Variants in MIGA2 observed in about 807,000 individuals in gnomAD.
MIGA2 encodes the protein mitoguardin 2, also known as family with sequence similarity 73, member B.
In MIGA2, 36 loss-of-function variants were observed where a neutral mutation model predicts 69.9. The ratio of observed to expected loss-of-function variants is 0.52; its 90% CI spans 0.39 to 0.68. The LOEUF is 0.68. Among genes scored for constraint, MIGA2 ranks in the 30% least tolerant of loss-of-function variants. The pLI, the probability that MIGA2 is intolerant of heterozygous loss-of-function variation, is 0.00. For missense variants in MIGA2, 660 were observed against 787.7 expected (o/e 0.84, Z 1.94); for synonymous variants, 333 against 349.2 (o/e 0.95, Z 0.52).
rs374126785 is a variant in MIGA2 at position 129,042,273 on chromosome 9, T to G, written c.97-31T>G. On this transcript the variant is annotated intron_variant, in intron 2 of 15. Coordinates refer to ENST00000684074, the MANE Select transcript of MIGA2 (RefSeq NM_001329990.2). ...CTGCCTTGGACCTTCCCCAGGGAGG[T>G]GTAACCGGCAGCGTCTCCTCTTCCC... is the stretch of plus-strand genomic sequence containing the variant. 1.4e-4 allele frequency: 222 copies of G among 1,606,238 alleles called. No individual in the cohort carries two copies. In the African/African-American group the frequency reaches 2.7e-3, roughly 20 times the overall value.
At position 129,069,223 on chromosome 9, in the gene MIGA2, T is replaced by G; in HGVS notation, c.1458+94T>G. The G allele has an allele frequency of 6.8e-6, 10 of 1,478,996 alleles. No individual in the cohort carries two copies. The highest frequency in any genetic ancestry group is 9.4e-6 in the Non-Finnish European group (10 of 1,064,874). 91.6% of individuals were successfully genotyped at this position (1,478,996 alleles called of 1,614,324 possible). ...GTGCAGGGTGGCTCGCTGGGCCACTTGGCCTTCACCGCTCACAGTCCTGGC... is the reference window on the plus strand; with the variant it reads ...GTGCAGGGTGGCTCGCTGGGCCACTGGGCCTTCACCGCTCACAGTCCTGGC... On this transcript the variant is annotated intron_variant, in intron 14 of 15. Transcript: ENST00000684074. The surrounding 1 kb of genome is among the most constrained non-coding windows in gnomAD (Gnocchi z 4.9).
intron 4 of MIGA2, among the ~76,000 whole-genome samples, chr9:129,048,836 G>A (rs1224646061): frequency 6.6e-6 from 1 of 152,176 alleles, no homozygotes; most frequent in Non-Finnish European, 1.5e-5. Flanking sequence ...TTATACCAGG[G>A]ACTCTGTCAG....
rs1846578901 is a variant in MIGA2 at position 129,069,902 on chromosome 9, T to TG, written c.1513dup (p.Val505GlyfsTer15). 1 of 1,613,688 alleles carries TG rather than the reference T, an allele frequency of 6.2e-7. No individual in the cohort carries two copies. The highest frequency in any genetic ancestry group is 8.5e-7 in the Non-Finnish European group (1 of 1,179,916). ...ACTCCGTATCGGAGCATGTGAGCCC[T>TG]GTCCTAGCCTTCGGCTTCCTTGGAC... On this transcript the variant is annotated frameshift_variant, in exon 15 of 16. Coordinates refer to ENST00000684074, the MANE Select transcript of MIGA2 (RefSeq NM_001329990.2). LOFTEE classifies it high-confidence loss of function. This position sits in a 1 kb window ranked among gnomAD's most constrained non-coding sequence, Gnocchi z 4.9.
chr9:129,048,774 T>C (rs923680591), intron 4 of MIGA2, among the ~76,000 whole-genome samples: 3 of 152,204 alleles, frequency 2.0e-5, no homozygotes, highest in Non-Finnish European at 2.9e-5. Context: ...GGGAGACCTG[T>C]ACCTGTGAAA....
chr9:129,069,178 C>T lies in MIGA2; in HGVS notation c.1458+49C>T, dbSNP rs368134704. 213 of 1,610,822 alleles carry T rather than the reference C, an allele frequency of 1.3e-4. No individual in the cohort carries two copies. The highest frequency in any genetic ancestry group is 1.7e-4 in the Non-Finnish European group (198 of 1,178,214). The stretch of plus-strand genomic sequence containing the variant: ...GAGCACGAGCTGGGCTCTGAGGCAG[C>T]GTGGTGGGGAGCGGAGCGGGTGCAG... On this transcript the variant is annotated intron_variant, in intron 14 of 15. Coordinates refer to ENST00000684074, the MANE Select transcript of MIGA2 (RefSeq NM_001329990.2). This position sits in a 1 kb window ranked among gnomAD's most constrained non-coding sequence, Gnocchi z 4.9.
intron 3 of MIGA2, among the ~76,000 whole-genome samples, chr9:129,046,213 C>G (rs551127541): frequency 6.6e-6 from 1 of 152,218 alleles, no homozygotes; most frequent in East Asian, 1.9e-4. Flanking sequence ...GACACTCAGG[C>G]AGCCTAATTT....
intron 6 of MIGA2, among the ~76,000 whole-genome samples, chr9:129,055,903 A>T (rs1325930777): frequency 6.6e-6 from 1 of 151,894 alleles, no homozygotes; most frequent in Non-Finnish European, 1.5e-5. Context: ...TAGTCCCAAC[A>T]CTTAGGAGAC....
At position 129,059,416 on chromosome 9, in the gene MIGA2, C is replaced by T; in HGVS notation, c.793+145C>T. The T allele has an allele frequency of 1.6e-6, 1 of 633,476 alleles. No homozygotes were observed. Among genetic ancestry groups the T allele is most frequent in the Non-Finnish European group, 2.8e-6 (1 of 357,508 alleles). 39.2% of individuals were successfully genotyped at this position (633,476 alleles called of 1,614,324 possible). On this transcript the variant is annotated intron_variant, in intron 7 of 15. Coordinates refer to ENST00000684074, the MANE Select transcript of MIGA2 (RefSeq NM_001329990.2). The surrounding 1 kb of genome is among the most constrained non-coding windows in gnomAD (Gnocchi z 5.6). Reference sequence around the variant, plus strand: ...GGCTCTCCGACCTCGCGTGATCCAGCACCTTATGGCACAGATGGGGAAACT... The same window carrying T: ...GGCTCTCCGACCTCGCGTGATCCAGTACCTTATGGCACAGATGGGGAAACT...
intron 15 of MIGA2, 76 bp downstream of exon 15, chr9:129,070,041 G>A: frequency 3.0e-6 from 4 of 1,345,848 alleles, no homozygotes; most frequent in Admixed American, 4.2e-5. Flanking sequence ...CCAGGAATGG[G>A]ATGAGGGCCT....
rs1360457371 is a variant in MIGA2 at position 129,070,638 on chromosome 9, C to T, written c.*185C>T. Reference sequence around the variant, plus strand: ...GAACGGTTCCTGGGGGAAGCAGAGGCCAGGACCAGTGGGGCCTGTGGGAGA... The same window carrying T: ...GAACGGTTCCTGGGGGAAGCAGAGGTCAGGACCAGTGGGGCCTGTGGGAGA... On this transcript the variant is annotated 3_prime_UTR_variant, in exon 16 of 16. Coordinates refer to ENST00000684074, the MANE Select transcript of MIGA2 (RefSeq NM_001329990.2). 5 of 643,216 alleles carry T rather than the reference C, an allele frequency of 7.8e-6. No individual in the cohort carries two copies. The highest frequency in any genetic ancestry group is 1.3e-5 in the Non-Finnish European group (5 of 385,672). 39.8% of individuals were successfully genotyped at this position (643,216 alleles called of 1,614,324 possible).
At chr9:129,039,458 G>C (rs1022537812) in intron 1 of MIGA2, among the ~76,000 whole-genome samples, 2 of 151,870 alleles carry the variant, frequency 1.3e-5, no homozygotes, top group Admixed American at 6.6e-5. Flanking sequence ...TGTTAGCCAG[G>C]ATGATCTTGA....
intron 1 of MIGA2, among the ~76,000 whole-genome samples, chr9:129,039,175 TTGTGTG>T (rs61426484): frequency 0.039 from 5,521 of 139,944 alleles, 186 homozygotes; most frequent in Admixed American, 0.11. Context: ...AGCTCTTTGT[TTGTGTG>T]TGTGTGTGTG....
In MIGA2 at chr9:129,048,259, C is replaced by T. The variant is rs1480792136; in HGVS notation, c.308-168C>T. Reference sequence around the variant, plus strand: ...CATGAGCAGGACATGGAGGGCCCCGCGCTTTTCTCCTGAGTGCACGCCCTT... The same window carrying T: ...CATGAGCAGGACATGGAGGGCCCCGTGCTTTTCTCCTGAGTGCACGCCCTT... On this transcript the variant is annotated intron_variant, in intron 3 of 15. Transcript: ENST00000684074. Among the ~76,000 whole-genome samples, 9 of 152,210 alleles carry T rather than the reference C, an allele frequency of 5.9e-5. No individual in the cohort carries two copies. In the East Asian group the frequency reaches 7.7e-4, roughly 13 times the overall value.
chr9:129,041,012 G>A (rs1305743027), intron 2 of MIGA2, among the ~76,000 whole-genome samples: 1 of 152,104 alleles, frequency 6.6e-6, no homozygotes. Context: ...CCAACATGGT[G>A]AAACCCTGTC....
At position 129,063,617 on chromosome 9, in the gene MIGA2, A is replaced by AC; in HGVS notation, c.1158dup (p.Lys387GlnfsTer3). 9 of 980,548 alleles carry AC rather than the reference A, an allele frequency of 9.2e-6. No individual in the cohort carries two copies. The highest frequency in any genetic ancestry group is 1.3e-5 in the Non-Finnish European group (9 of 672,184). 60.7% of individuals were successfully genotyped at this position (980,548 alleles called of 1,614,324 possible). Reference sequence around the variant, plus strand: ...CCGACAGATGGTGACAGGCCTGATGACCAAGGCTGAGAAGGTAGCAGGGGG... The same window carrying AC: ...CCGACAGATGGTGACAGGCCTGATGACCCAAGGCTGAGAAGGTAGCAGGGGG... On this transcript the variant is annotated frameshift_variant, in exon 11 of 16. Coordinates refer to ENST00000684074, the MANE Select transcript of MIGA2 (RefSeq NM_001329990.2). LOFTEE classifies it high-confidence loss of function.
intron 10 of MIGA2, 36 bp downstream of exon 10, chr9:129,063,352 G>T (rs1458699254): frequency 9.3e-6 from 15 of 1,608,516 alleles, no homozygotes; most frequent in Non-Finnish European, 1.3e-5. Flanking sequence ...GGGGTGGGAG[G>T]CAAGGGGTAG....
chr9:129,049,479 A>T lies in MIGA2; in HGVS notation c.519A>T (p.Ala173=). 1 of 1,613,556 alleles carries T rather than the reference A, an allele frequency of 6.2e-7. No homozygotes were observed. The highest frequency in any genetic ancestry group is 8.5e-7 in the Non-Finnish European group (1 of 1,179,880). ...CTCTGACCACCAGCGACGGCAATGC[A>T]GAGAGCCTGTACATGCAAGGTGTGG... ...EESLTTSDGN[A]ESLYMQGMEL... The change falls in exon 5 of 16, where the codon GCA becomes GCT. Residue 173 remains alanine (A), a synonymous_variant. Transcript: ENST00000684074.
rs1441716465 is a variant in MIGA2 at position 129,070,373 on chromosome 9, C to T, written c.1702C>T (p.Leu568=). The T allele has an allele frequency of 1.2e-6, 2 of 1,612,546 alleles. No homozygotes were observed. The highest frequency in any genetic ancestry group is 2.7e-5 in the African/African-American group (2 of 74,948). ...RRRSEILLGY[L]GVPAASSAGV... The stretch of plus-strand genomic sequence containing the variant: ...CCGCAGCGAGATATTGCTGGGGTAC[C>T]TGGGGGTGCCCGCGGCCAGCAGCGC... Residue 568 remains leucine (L), a synonymous_variant, in exon 16 of 16, where the codon CTG becomes TTG. Coordinates refer to ENST00000684074, the MANE Select transcript of MIGA2 (RefSeq NM_001329990.2).
At chr9:129,038,041 C>T (rs1485985865) in intron 1 of MIGA2, among the ~76,000 whole-genome samples, 2 of 152,184 alleles carry the variant, frequency 1.3e-5, no homozygotes, top group Non-Finnish European at 2.9e-5. Context: ...GCTGCTGGCC[C>T]TCTGATGTTC....
Sources: allele counts gnomAD v4.1 joint callset (sites outside exome capture counted in the v4.1 genomes callset), GRCh38; gene constraint gnomAD v4.1.1; non-coding constraint Gnocchi (gnomAD v3.1); transcripts MANE v1.5; gene names NCBI Gene and HGNC (gene_info 2026-07-23, HGNC 2026-07-21).